The following KCNQ4 variants were observed in gnomAD, a reference collection of about 807,000 sequenced individuals.
The protein encoded by KCNQ4 is potassium voltage-gated channel subfamily KQT member 4.
KCNQ4 carries 31 observed loss-of-function variants against 72.6 expected under a neutral mutation model. That is an observed-to-expected ratio of 0.43 (90% CI 0.32 to 0.58). The LOEUF is 0.58. Among genes scored for constraint, KCNQ4 ranks in the 20% least tolerant of loss-of-function variants. The pLI is 0.08. For synonymous variants in KCNQ4, 405 were observed against 403.7 expected (o/e 1.00, Z -0.04); for missense variants, 869 against 962.6 (o/e 0.90, Z 1.29).
intron 1 of KCNQ4, among the ~76,000 whole-genome samples, chr1:40,809,565 G>A (rs897788841): frequency 5.9e-5 from 9 of 152,042 alleles, no homozygotes; most frequent in South Asian, 4.2e-4. Flanking sequence ...GTTAATCACC[G>A]AGCCCTACTT....
rs910890456 is a variant in KCNQ4, at chr1:40,793,260, C to T, written c.314+8853C>T. Among the ~76,000 whole-genome samples the T allele has an allele frequency of 6.1e-4, 92 of 151,926 alleles. 1 individual carries two copies. The highest frequency in any genetic ancestry group is 2.2e-3 in the African/African-American group (90 of 41,356). ...TCCAGCGATCCTCCCACGGTGGCCT[C>T]GGGAGCCACCATGGCTGCCTGCTGG... On this transcript the variant is annotated intron_variant, in intron 1 of 13. Transcript: ENST00000347132.
At chr1:40,823,729 A>T (rs1254222320) in intron 8 of KCNQ4, among the ~76,000 whole-genome samples, 1 of 152,202 alleles carries the variant, frequency 6.6e-6, no homozygotes. Context: ...CCTCACCTCC[A>T]TCTCCCCTTA....
At chr1:40,835,812 G>A (rs541142217) in intron 12 of KCNQ4, among the ~76,000 whole-genome samples, 1 of 152,338 alleles carries the variant, frequency 6.6e-6, no homozygotes, top group African/African-American at 2.4e-5. Context: ...AAATAGGTGA[G>A]AAGGTTCTAG....
At chr1:40,807,976 C>T (rs1350800972) in intron 1 of KCNQ4, among the ~76,000 whole-genome samples, 1 of 152,164 alleles carries the variant, frequency 6.6e-6, no homozygotes, top group Non-Finnish European at 1.5e-5. Flanking sequence ...AAAAATTAGC[C>T]AGGTGTGGTG....
In KCNQ4 at chr1:40,794,093, C is replaced by G. The variant is rs1307908660; in HGVS notation, c.314+9686C>G. ...GAGAAGTGGAGAAAAGACCCCTCAG[C>G]CCTCTGTGTGGAGCACTGAGCTGTG... On this transcript the variant is annotated intron_variant, in intron 1 of 13. Coordinates refer to ENST00000347132, the MANE Select transcript of KCNQ4 (RefSeq NM_004700.4). This position sits in a 1 kb window ranked among gnomAD's most constrained non-coding sequence, Gnocchi z 4.2. Among the ~76,000 whole-genome samples, 4 of 150,858 alleles carry G rather than the reference C, an allele frequency of 2.7e-5. No individual in the cohort carries two copies. Among genetic ancestry groups the G allele is most frequent in the Non-Finnish European group, 4.4e-5 (3 of 67,564 alleles).
intron 10 of KCNQ4, among the ~76,000 whole-genome samples, chr1:40,832,630 G>A (rs151226422): frequency 3.3e-4 from 50 of 152,362 alleles, no homozygotes; most frequent in Middle Eastern, 3.4e-3. Context: ...AGAAGACTGT[G>A]TGCATGATTA....
intron 10 of KCNQ4, among the ~76,000 whole-genome samples, chr1:40,831,600 G>T (rs1648648787): frequency 6.6e-6 from 1 of 152,184 alleles, no homozygotes; most frequent in African/African-American, 2.4e-5. Context: ...CTTATCTTAG[G>T]CGAGTGACCT....
At chr1:40,810,274 G>A (rs2148311539) in intron 1 of KCNQ4, among the ~76,000 whole-genome samples, 1 of 152,180 alleles carries the variant, frequency 6.6e-6, no homozygotes, top group South Asian at 2.1e-4. Flanking sequence ...TCTGCCTGGG[G>A]CACCCCGACC....
chr1:40,793,985 C>T (rs1374193019), intron 1 of KCNQ4, among the ~76,000 whole-genome samples: 1 of 152,152 alleles, frequency 6.6e-6, no homozygotes, highest in African/African-American at 2.4e-5. Context: ...CAATTCTTGG[C>T]ACATGGTCAG....
Position 40,835,099 on chromosome 1 carries a change from G to A in KCNQ4, c.1745+1G>A. ...GCCGGATCAAGAGCCTGCAAACTCG[G>A]TGGGTGCACCGGGCCTGTTGGGAGG... On this transcript the variant is annotated splice_donor_variant, in intron 12 of 13. Coordinates refer to ENST00000347132, the MANE Select transcript of KCNQ4 (RefSeq NM_004700.4). LOFTEE classifies it high-confidence loss of function. 1 of 1,613,244 alleles carries A rather than the reference G, an allele frequency of 6.2e-7. No individual in the cohort carries two copies. Among genetic ancestry groups the A allele is most frequent in the East Asian group, 2.2e-5 (1 of 44,840 alleles).
intron 1 of KCNQ4, among the ~76,000 whole-genome samples, chr1:40,806,866 G>A (rs1354571570): frequency 6.6e-6 from 1 of 152,150 alleles, no homozygotes; most frequent in African/African-American, 2.4e-5. Context: ...CAATCCGATT[G>A]GCTCAGCCCA....
At chr1:40,791,030 C>T (rs1647270449) in intron 1 of KCNQ4, among the ~76,000 whole-genome samples, 1 of 151,990 alleles carries the variant, frequency 6.6e-6, no homozygotes, top group East Asian at 1.9e-4. Context: ...GCCATGGTGC[C>T]CAGAGAGACA....
Position 40,817,403 on chromosome 1 carries a change from C to T in KCNQ4, c.405+48C>T. The T allele has an allele frequency of 6.7e-7, 1 of 1,488,658 alleles. No individual in the cohort carries two copies. Among genetic ancestry groups the T allele is most frequent in the Non-Finnish European group, 9.3e-7 (1 of 1,075,164 alleles). 92.2% of individuals were successfully genotyped at this position (1,488,658 alleles called of 1,614,324 possible). On this transcript the variant is annotated intron_variant, in intron 2 of 13. Transcript: ENST00000347132. The surrounding 1 kb of genome is among the most constrained non-coding windows in gnomAD (Gnocchi z 5.5). Reference sequence around the variant, plus strand: ...TGAGGGGGGCTGTGTGAGGTAGCACCTCTGGGCTGGGAGTCCGGGACTGAG... The same window carrying T: ...TGAGGGGGGCTGTGTGAGGTAGCACTTCTGGGCTGGGAGTCCGGGACTGAG...
In KCNQ4 at chr1:40,790,549, G is replaced by A. The variant is rs560978052; in HGVS notation, c.314+6142G>A. ...GAGAGTGTCTGACTTACATTCTCTC[G>A]TGTAACGCTCACAGCCATCTTATCA... On this transcript the variant is annotated intron_variant, in intron 1 of 13. Transcript: ENST00000347132. 2.1e-4 allele frequency among the ~76,000 whole-genome samples: 32 copies of A among 152,270 alleles called. 2 individuals are homozygous for A. The highest frequency in any genetic ancestry group is 8.3e-4 in the South Asian group (4 of 4,818).
rs1393127430 is a variant in KCNQ4 at position 40,794,260 on chromosome 1, G to A, written c.314+9853G>A. ...GCCTTGATTGACAGGCTGTGGAGGT[G>A]GGCCTTACCCTGTGGGCAGTGGGGA... On this transcript the variant is annotated intron_variant, in intron 1 of 13. Transcript: ENST00000347132. The surrounding 1 kb of genome is among the most constrained non-coding windows in gnomAD (Gnocchi z 4.2). Among the ~76,000 whole-genome samples the A allele has an allele frequency of 6.6e-6, 1 of 152,208 alleles. No individual in the cohort carries two copies. The highest frequency in any genetic ancestry group is 1.5e-5 in the Non-Finnish European group (1 of 68,026).
chr1:40,787,380 A>G (rs562780169), intron 1 of KCNQ4, among the ~76,000 whole-genome samples: 86 of 152,168 alleles, frequency 5.7e-4, no homozygotes, highest in African/African-American at 1.8e-3. Flanking sequence ...TAAAAAAGAG[A>G]GAGAAAGAGA....
chr1:40,822,276 C>T, intron 7 of KCNQ4, 38 bp from the exon 8 acceptor site: 3 of 1,533,266 alleles, frequency 2.0e-6, no homozygotes, highest in Middle Eastern at 3.4e-4. Flanking sequence ...TGAGAGGCCT[C>T]ACTGATGCCC....
Position 40,820,251 on chromosome 1 carries a change from C to A in KCNQ4, c.1032C>A (p.Asn344Lys), listed in dbSNP as rs568125894. ...AGAAGCGGAGGATGCCGGCAGCCAACCTCATCCAGGTACAAGATGCCCGGG... is the reference window on the plus strand; with the variant it reads ...AGAAGCGGAGGATGCCGGCAGCCAAACTCATCCAGGTACAAGATGCCCGGG... ...HFEKRRMPAA[N>K]LIQAAWRLYS... The change falls in exon 7 of 14, where the codon AAC becomes AAA. Residue 344 changes from asparagine (N) to lysine (K), a missense_variant. Coordinates refer to ENST00000347132, the MANE Select transcript of KCNQ4 (RefSeq NM_004700.4). 1 of 1,604,686 alleles carries A rather than the reference C, an allele frequency of 6.2e-7. No homozygotes were observed. Among genetic ancestry groups the A allele is most frequent in the South Asian group, 1.1e-5 (1 of 89,464 alleles).
At position 40,831,076 on chromosome 1, in the gene KCNQ4, C is replaced by T; in HGVS notation, c.1293-8C>T. 6.4e-7 allele frequency: 1 copy of T among 1,572,552 alleles called. No individual in the cohort carries two copies. ...CTTGGCTCTCTCCCAACCTGCCTGC[C>T]CTGCCAGCAGCCGGATGGGCATCAA... On this transcript the variant is annotated splice_region_variant and splice_polypyrimidine_tract_variant and intron_variant, in intron 9 of 13. Transcript: ENST00000347132.
Sources: allele counts gnomAD v4.1 joint callset (sites outside exome capture counted in the v4.1 genomes callset), GRCh38; gene constraint gnomAD v4.1.1; non-coding constraint Gnocchi (gnomAD v3.1); transcripts MANE v1.5; gene names NCBI Gene and HGNC (gene_info 2026-07-23, HGNC 2026-07-21).